Variants in GALNT13 observed in about 807,000 individuals in gnomAD.
GALNT13 encodes UDP-GalNAc:polypeptide N-acetylgalactosaminyltransferase 13.
Under a neutral mutation model 64.2 loss-of-function variants are expected in GALNT13, and 28 were observed. That is an observed-to-expected ratio of 0.44 (90% confidence interval 0.32 to 0.60). GALNT13 has a LOEUF of 0.60. GALNT13 is among the 20% of genes least tolerant of loss of function. GALNT13 has a pLI of 0.05. For synonymous variants in GALNT13, 214 were observed against 224.6 expected, an observed-to-expected ratio of 0.95 and a Z score of 0.42; for missense variants, 577 against 669.8, an observed-to-expected ratio of 0.86 and a Z score of 1.53.
At chr2:153,932,045 G>A (rs1690565719) in intron 2 of GALNT13, among the ~76,000 whole-genome samples, 1 of 151,864 alleles carries the variant, frequency 6.6e-6, no homozygotes, top group Admixed American at 6.6e-5. Flanking sequence ...AACTCACCCG[G>A]GAATTTATCC....
intron 8 of GALNT13, among the ~76,000 whole-genome samples, chr2:154,282,957 A>C (rs140037450): frequency 2.5e-4 from 38 of 152,334 alleles, no homozygotes; most frequent in African/African-American, 9.1e-4. Flanking sequence ...TCTCTCAATC[A>C]AAATGACAAT....
chr2:153,447,447 T>G, the GALNT13 span, among the ~76,000 whole-genome samples: 2 of 152,192 alleles, frequency 1.3e-5, no homozygotes, highest in Admixed American at 6.5e-5. Context: ...GTGGAAAATA[T>G]GCACTACAAA....
chr2:154,122,018 A>G (rs1479454624), intron 3 of GALNT13, among the ~76,000 whole-genome samples: 1 of 152,048 alleles, frequency 6.6e-6, no homozygotes, highest in Non-Finnish European at 1.5e-5. Context: ...AATTTCTACA[A>G]TAGTAATTCT....
chr2:153,421,518 ACAGAGAAGTGAACC>A, the GALNT13 span: 1 of 227,378 alleles, frequency 4.4e-6, no homozygotes, highest in South Asian at 8.7e-5. Context: ...GGCATAATCA[ACAGAGAAGTGAACC>A]CAGAACCAGT....
At chr2:154,340,865 GCAGTCACAGA>G in intron 9 of GALNT13, among the ~76,000 whole-genome samples, 1 of 150,810 alleles carries the variant, frequency 6.6e-6, no homozygotes, top group Non-Finnish European at 1.5e-5. Flanking sequence ...GTTAAGTTAG[GCAGTCACAGA>G]TATCTTTGTT....
chr2:153,294,835 T>A, the GALNT13 span, among the ~76,000 whole-genome samples: 1 of 152,196 alleles, frequency 6.6e-6, no homozygotes, highest in Admixed American at 6.5e-5. Flanking sequence ...CTGTCACTCA[T>A]CCTTTTTTTC....
the GALNT13 span, among the ~76,000 whole-genome samples, chr2:153,630,938 C>A: frequency 1.3e-5 from 2 of 150,196 alleles, no homozygotes; most frequent in African/African-American, 4.9e-5. Flanking sequence ...TTAGGTATAT[C>A]TCCTAGTGCT....
chr2:153,428,720 A>G, the GALNT13 span, among the ~76,000 whole-genome samples: 2 of 152,206 alleles, frequency 1.3e-5, no homozygotes, highest in Admixed American at 1.3e-4. Flanking sequence ...CATGAGGCTA[A>G]TGAAGATAGT....
chr2:153,436,407 C>G, the GALNT13 span, among the ~76,000 whole-genome samples: 187 of 152,240 alleles, frequency 1.2e-3, 1 homozygote, highest in African/African-American at 4.2e-3. Flanking sequence ...GGAATGGTAC[C>G]AGTTCCTCCT....
At chr2:153,618,282 C>G in the GALNT13 span, among the ~76,000 whole-genome samples, 1 of 151,880 alleles carries the variant, frequency 6.6e-6, no homozygotes, top group Non-Finnish European at 1.5e-5. Context: ...CATTGACCCA[C>G]TGGTCACTCA....
chr2:154,062,013 T>A (rs1485364012), intron 3 of GALNT13, among the ~76,000 whole-genome samples: 1 of 152,236 alleles, frequency 6.6e-6, no homozygotes, highest in Non-Finnish European at 1.5e-5. Context: ...TCATTTTTTT[T>A]AACTTTCTTG....
chr2:154,454,261 T>A (rs1215672585), downstream of GALNT13, among the ~76,000 whole-genome samples: 3 of 152,158 alleles, frequency 2.0e-5, no homozygotes, highest in African/African-American at 4.8e-5. Context: ...TTTCTAAGGA[T>A]CATATATCTA....
chr2:154,396,353 A>T (rs191574781), intron 10 of GALNT13, among the ~76,000 whole-genome samples: 10 of 152,268 alleles, frequency 6.6e-5, no homozygotes, highest in Non-Finnish European at 1.2e-4. Flanking sequence ...TTTTTTTAAC[A>T]GTTCTAAAGC....
At chr2:153,921,741 A>G (rs1377867148) in intron 2 of GALNT13, among the ~76,000 whole-genome samples, 1 of 152,156 alleles carries the variant, frequency 6.6e-6, no homozygotes, top group African/African-American at 2.4e-5. Flanking sequence ...TCTCCATAGT[A>G]GAGGAAGAAA....
At chr2:154,325,248 A>G (rs910768512) in intron 9 of GALNT13, among the ~76,000 whole-genome samples, 3 of 152,130 alleles carry the variant, frequency 2.0e-5, no homozygotes, top group East Asian at 3.9e-4. Context: ...TCCTCACAGG[A>G]GAGGAAAATA....
intron 4 of GALNT13, among the ~76,000 whole-genome samples, chr2:154,159,870 A>G (rs990942155): frequency 2.0e-5 from 3 of 152,214 alleles, no homozygotes; most frequent in Non-Finnish European, 4.4e-5. Flanking sequence ...AGTCCTTTTT[A>G]TAGCTTCCAT....
chr2:153,914,441 G>A (rs1329277326), intron 2 of GALNT13, among the ~76,000 whole-genome samples: 2 of 137,006 alleles, frequency 1.5e-5, no homozygotes, highest in East Asian at 2.2e-4. Context: ...CTGAGATCAC[G>A]CCATTGCACT....
At chr2:153,724,324 A>C in the GALNT13 span, among the ~76,000 whole-genome samples, 5 of 132,818 alleles carry the variant, frequency 3.8e-5, no homozygotes, top group Non-Finnish European at 1.5e-5. Context: ...TTAAAGACTT[A>C]AACGTTAGAC....
Position 154,242,815 on chromosome 2 carries a change from CA to C in GALNT13, c.600del (p.Gln202ArgfsTer3), listed in dbSNP as rs765513253. On this transcript the variant is annotated frameshift_variant, in exon 6 of 13. Transcript: ENST00000392825. LOFTEE classifies it high-confidence loss of function. ...IRARLRGAAA[S>X]KGQVITFLDA... ...GCCCGTCTTCGAGGAGCAGCTGCTT[CA>C]AAAGGGCAGGTCATAACTTTTCTTG... 1 of 1,614,170 alleles carries C rather than the reference CA, an allele frequency of 6.2e-7. No individual in the cohort carries two copies. Among genetic ancestry groups the C allele is most frequent in the Non-Finnish European group, 8.5e-7 (1 of 1,180,006 alleles).
Sources: allele counts gnomAD v4.1 joint callset (sites outside exome capture counted in the v4.1 genomes callset), GRCh38; gene constraint gnomAD v4.1.1; transcripts MANE v1.5; gene names NCBI Gene and HGNC (gene_info 2026-07-23, HGNC 2026-07-21).